Variants in TYR observed in about 807,000 individuals in gnomAD.
The protein encoded by TYR is tyrosinase, also known as LB24-AB.
In TYR, 58 loss-of-function variants were observed where a neutral mutation model predicts 51.5. The observed-to-expected ratio is 1.13, with a 90% CI of 0.91 to 1.40. The LOEUF is 1.40. Ranked by LOEUF, TYR falls within the 40% of genes most tolerant of loss-of-function variation. The probability of loss-of-function intolerance (pLI) is 0.00; values close to 1 mark genes in which losing one functional copy is unlikely to be tolerated. For synonymous variants in TYR, 263 were observed against 235.2 expected (o/e 1.12, Z -1.08); for missense variants, 732 against 647.4 (o/e 1.13, Z -1.42).
rs1163369974 is a variant in TYR, at chr11:89,215,485, AT to A, written c.1037-12336del. Among the ~76,000 whole-genome samples the A allele has an allele frequency of 2.0e-5, 3 of 152,174 alleles. No homozygotes were observed. The East Asian group carries it at 5.8e-4, about 29-fold the overall frequency. The stretch of plus-strand genomic sequence containing the variant: ...GTACACCTATGTAACAAACCTGCTC[AT>A]TGTGTACATCTACCCTAGAACTTAA... On this transcript the variant is annotated intron_variant, in intron 2 of 4. Transcript: ENST00000263321.
chr11:89,284,952 C>T lies in TYR; in HGVS notation c.1364C>T (p.Ser455Leu), dbSNP rs781505546. 1 of 1,610,688 alleles carries T rather than the reference C, an allele frequency of 6.2e-7. No individual in the cohort carries two copies. Among genetic ancestry groups the T allele is most frequent in the Non-Finnish European group, 8.5e-7 (1 of 1,177,598 alleles). The change falls in exon 4 of 5, where the codon TCA (serine) becomes TTA (leucine). Residue 455 changes from serine (S) to leucine (L), a missense_variant and splice_region_variant. By Grantham distance (145) the Ser-to-Leu change is moderately radical. Coordinates refer to ENST00000263321, the MANE Select transcript of TYR (RefSeq NM_000372.5). ...TATGACTATAGCTATCTACAAGATT[C>T]AGGTAAAGTTTACTTTCTTTCAGAG... ...LGYDYSYLQD[S>L]DPDSFQDYIK...
At chr11:89,259,409 A>G (rs999206638) in intron 3 of TYR, among the ~76,000 whole-genome samples, 6 of 152,120 alleles carry the variant, frequency 3.9e-5, no homozygotes, top group Non-Finnish European at 5.9e-5. Flanking sequence ...TCACTGAGAA[A>G]GTAATGCCAA....
chr11:89,180,249 C>G (rs1943283951), intron 1 of TYR, among the ~76,000 whole-genome samples: 1 of 152,058 alleles, frequency 6.6e-6, no homozygotes. Context: ...ATCCTCTGTT[C>G]CTGTTTAAAA....
rs200505338 is a variant in TYR at position 89,191,154 on chromosome 11, G to C, written c.820-48G>C. The C allele has an allele frequency of 4.0e-5, 63 of 1,561,628 alleles. No individual in the cohort carries two copies. The East Asian group carries it at 1.4e-3, about 34-fold the overall frequency. On this transcript the variant is annotated intron_variant, in intron 1 of 4. Coordinates refer to ENST00000263321, the MANE Select transcript of TYR (RefSeq NM_000372.5). The stretch of plus-strand genomic sequence containing the variant: ...TCCAACATTTCTGCCTTCTCCTACT[G>C]ACTCAGTGGTGGTGACAATTTGTTT...
At chr11:89,281,800 A>G (rs947022856) in intron 3 of TYR, among the ~76,000 whole-genome samples, 1 of 151,822 alleles carries the variant, frequency 6.6e-6, no homozygotes, top group Non-Finnish European at 1.5e-5. Flanking sequence ...TATAAAACAC[A>G]TCTTTCCATA....
intron 2 of TYR, among the ~76,000 whole-genome samples, chr11:89,209,458 A>G (rs1244126514): frequency 6.6e-6 from 1 of 152,166 alleles, no homozygotes; most frequent in Non-Finnish European, 1.5e-5. Flanking sequence ...CAGCAGGGAA[A>G]CTAGAACTGG....
chr11:89,204,766 C>T (rs191881723), intron 2 of TYR, among the ~76,000 whole-genome samples: 137 of 151,148 alleles, frequency 9.1e-4, no homozygotes, highest in African/African-American at 3.1e-3. Flanking sequence ...CCCAAAATGT[C>T]CAGGTTGAAA....
intron 2 of TYR, 96 bp from the exon 3 acceptor site, chr11:89,227,727 A>T (rs1253717967): frequency 2.9e-6 from 3 of 1,042,982 alleles, no homozygotes; most frequent in Admixed American, 4.4e-5. Context: ...ATTTTGAAAC[A>T]GTCTTCAAGT....
In TYR at chr11:89,295,235, G is replaced by T; in HGVS notation, c.1459G>T (p.Val487Phe). ...CCTTGGGGCGGCGATGGTAGGGGCC[G>T]TCCTCACTGCCCTGCTGGCAGGGCT... is the stretch of plus-strand genomic sequence containing the variant. The part of the protein sequence containing the change: ...WLLGAAMVGA[V>F]LTALLAGLVS... Residue 487 changes from valine to phenylalanine, a missense_variant, in exon 5 of 5, where the codon GTC (valine) becomes TTC (phenylalanine). Val to Phe is a conservative substitution (Grantham distance 50). Transcript: ENST00000263321. 1.9e-6 allele frequency: 3 copies of T among 1,613,980 alleles called. No individual in the cohort carries two copies. The highest frequency in any genetic ancestry group is 2.5e-6 in the Non-Finnish European group (3 of 1,179,860).
chr11:89,255,652 G>A (rs1944381794), intron 3 of TYR, among the ~76,000 whole-genome samples: 1 of 151,664 alleles, frequency 6.6e-6, no homozygotes, highest in African/African-American at 2.4e-5. Flanking sequence ...GGTTTTCAAA[G>A]AAGTAGTTCA....
In TYR at chr11:89,178,127, C is replaced by A. The variant is rs773570665; in HGVS notation, c.174C>A (p.Ile58=). 6.2e-7 allele frequency: 1 copy of A among 1,614,198 alleles called. No individual in the cohort carries two copies. The stretch of plus-strand genomic sequence containing the variant: ...CAGGCAGAGGTTCCTGTCAGAATAT[C>A]CTTCTGTCCAATGCACCACTTGGGC... ...QLSGRGSCQN[I]LLSNAPLGPQ... is the part of the protein sequence containing the mutation. The change falls in exon 1 of 5, where the codon ATC becomes ATA. Residue 58 remains isoleucine, a synonymous_variant. Transcript: ENST00000263321.
chr11:89,190,384 C>T (rs1943427105), intron 1 of TYR, among the ~76,000 whole-genome samples: 1 of 151,952 alleles, frequency 6.6e-6, no homozygotes, highest in African/African-American at 2.4e-5. Context: ...TAGGCCTATG[C>T]TAGTGTGTAT....
At chr11:89,212,355 TCAA>T (rs368641350) in intron 2 of TYR, among the ~76,000 whole-genome samples, 1,890 of 152,266 alleles carry the variant, frequency 0.012, 38 homozygotes, top group African/African-American at 0.043. Flanking sequence ...GATAAATTCC[TCAA>T]CACATACACC....
At chr11:89,274,807 T>A (rs1230924100) in intron 3 of TYR, among the ~76,000 whole-genome samples, 1 of 151,766 alleles carries the variant, frequency 6.6e-6, no homozygotes, top group African/African-American at 2.4e-5. Flanking sequence ...ATCTGGCAGG[T>A]TCTTCCTACG....
In TYR at chr11:89,232,592, G is replaced by A. The variant is rs997372197; in HGVS notation, c.1184+4622G>A. ...CATAACAGCTGAAAAACTACCTAAT[G>A]TATAAGGTATACTATGTTCATAACC... is the stretch of plus-strand genomic sequence containing the variant. On this transcript the variant is annotated intron_variant, in intron 3 of 4. Coordinates refer to ENST00000263321, the MANE Select transcript of TYR (RefSeq NM_000372.5). 1.4e-5 allele frequency among the ~76,000 whole-genome samples: 2 copies of A among 141,666 alleles called. 1 individual carries two copies. The highest frequency in any genetic ancestry group is 3.0e-5 in the Non-Finnish European group (2 of 66,304). 92.9% of individuals were successfully genotyped at this position (141,666 alleles called of 152,430 possible). A position where few individuals can be genotyped will look rare whatever the true frequency, so the allele number is the denominator to read the frequency against.
chr11:89,284,741 T>C, intron 3 of TYR, 32 bp from the exon 4 acceptor site: 2 of 1,603,692 alleles, frequency 1.2e-6, no homozygotes, highest in South Asian at 2.2e-5. Flanking sequence ...ACACAATATG[T>C]TTCTTAGTCT....
At chr11:89,272,120 A>G (rs1285863562) in intron 3 of TYR, among the ~76,000 whole-genome samples, 1 of 151,902 alleles carries the variant, frequency 6.6e-6, no homozygotes, top group East Asian at 1.9e-4. Flanking sequence ...ATGAAAATTA[A>G]TGTTCTTAAT....
intron 2 of TYR, among the ~76,000 whole-genome samples, chr11:89,197,328 A>G (rs561539967): frequency 3.2e-4 from 49 of 152,296 alleles, no homozygotes; most frequent in African/African-American, 1.2e-3. Flanking sequence ...CTCTAGGAAT[A>G]TGTTCACAAA....
At position 89,177,919 on chromosome 11, in the gene TYR, C is replaced by T. The variant is rs1156591175; in HGVS notation, c.-35C>T. 2 of 1,603,226 alleles carry T rather than the reference C, an allele frequency of 1.2e-6. No homozygotes were observed. Among genetic ancestry groups the T allele is most frequent in the Non-Finnish European group, 1.7e-6 (2 of 1,171,324 alleles). On this transcript the variant is annotated 5_prime_UTR_variant, in exon 1 of 5. Coordinates refer to ENST00000263321, the MANE Select transcript of TYR (RefSeq NM_000372.5). ...AGAGAAATCTGTGACTCCAATTAGC[C>T]AGTTCCTGCAGACCTTGTGAGGACT...
Sources: gnomAD v4.1 joint callset for allele counts (sites outside exome capture counted in the v4.1 genomes callset) on GRCh38, gnomAD v4.1.1 for gene constraint, MANE v1.5 for transcripts, NCBI Gene and HGNC (gene_info 2026-07-23, HGNC 2026-07-21) for gene names.